The following OR9Q1 variants were observed in gnomAD, a reference collection of about 807,000 sequenced individuals.
OR9Q1 encodes the protein olfactory receptor 9Q1.
For missense variants in OR9Q1, 374 were observed against 378.8 expected (o/e 0.99, Z 0.11); for synonymous variants, 153 against 148.6 (o/e 1.03, Z -0.22).
intron 2 of OR9Q1, among the ~76,000 whole-genome samples, chr11:58,120,253 TTAAC>T (rs374986057): frequency 5.9e-5 from 9 of 152,282 alleles, no homozygotes; most frequent in African/African-American, 2.2e-4. Context: ...CTTGGGTAAG[TTAAC>T]TAACCCCTTT....
At chr11:58,036,334 G>A (rs2119927069) in intron 1 of OR9Q1, among the ~76,000 whole-genome samples, 1 of 152,296 alleles carries the variant, frequency 6.6e-6, no homozygotes, top group East Asian at 1.9e-4. Flanking sequence ...AAATATTACT[G>A]CTCATTGACA....
At chr11:58,115,751 G>A (rs1853948097) in intron 2 of OR9Q1, among the ~76,000 whole-genome samples, 1 of 152,136 alleles carries the variant, frequency 6.6e-6, no homozygotes, top group Admixed American at 6.6e-5. Context: ...ATTTTTAAAT[G>A]AAATATAATA....
At chr11:58,055,131 A>C (rs147491858) in intron 1 of OR9Q1, among the ~76,000 whole-genome samples, 20 of 152,252 alleles carry the variant, frequency 1.3e-4, no homozygotes, top group African/African-American at 4.8e-4. Flanking sequence ...GACTTTGTAG[A>C]TCTTGCTCTT....
intron 2 of OR9Q1, among the ~76,000 whole-genome samples, chr11:58,131,043 T>A (rs1854136195): frequency 6.6e-6 from 1 of 152,174 alleles, no homozygotes; most frequent in African/African-American, 2.4e-5. Flanking sequence ...ATATTTTGGA[T>A]GTGAGGAGCC....
chr11:58,128,175 T>A, intron 2 of OR9Q1, among the ~76,000 whole-genome samples: 1 of 132,306 alleles, frequency 7.6e-6, no homozygotes, highest in Non-Finnish European at 1.7e-5. Flanking sequence ...GTTAGAAAAA[T>A]AATATATTAA....
intron 2 of OR9Q1, chr11:58,077,672 A>G (rs1396497605): frequency 6.6e-6 from 1 of 152,242 alleles, no homozygotes; most frequent in African/African-American, 2.4e-5. Flanking sequence ...CTATAATCAT[A>G]AAAGCTGTCA....
chr11:58,046,847 G>C (rs1167834920), intron 1 of OR9Q1, among the ~76,000 whole-genome samples: 2 of 151,796 alleles, frequency 1.3e-5, no homozygotes, highest in East Asian at 1.9e-4. Context: ...TGGGCAACAA[G>C]AGGGAAACTC....
intron 2 of OR9Q1, among the ~76,000 whole-genome samples, chr11:58,160,279 A>G (rs1854445003): frequency 6.6e-6 from 1 of 152,226 alleles, no homozygotes; most frequent in Non-Finnish European, 1.5e-5. Context: ...GGATCTGAGA[A>G]CCCATGAGTG....
chr11:58,143,518 G>T (rs956981318), intron 2 of OR9Q1, among the ~76,000 whole-genome samples: 15 of 152,188 alleles, frequency 9.9e-5, no homozygotes, highest in African/African-American at 3.4e-4. Flanking sequence ...TTTACCAATT[G>T]TGAAATCTGG....
At chr11:58,091,197 G>A (rs1256205795) in intron 2 of OR9Q1, among the ~76,000 whole-genome samples, 1 of 152,108 alleles carries the variant, frequency 6.6e-6, no homozygotes. Flanking sequence ...TTTCGAATGT[G>A]TTTGCTCTTG....
At chr11:58,081,835 AAAT>A (rs932212858) in intron 2 of OR9Q1, among the ~76,000 whole-genome samples, 14 of 147,712 alleles carry the variant, frequency 9.5e-5, no homozygotes, top group South Asian at 4.3e-4. Flanking sequence ...TTATTGATCT[AAAT>A]AATATGCTAT....
Position 58,048,696 on chromosome 11 carries a change from T to TATATATATACATA in OR9Q1, c.-92-7174_-92-7173insATATATATACATA, listed in dbSNP as rs35079058. On this transcript the variant is annotated intron_variant, in intron 1 of 2. Coordinates refer to ENST00000335397, the MANE Select transcript of OR9Q1 (RefSeq NM_001005212.4). ...AAAAAAAAAATATATATATATATAT[T>TATATATATACATA]TTTTAGCAAGACTAATAAAAAAAGA... 4.7e-5 allele frequency among the ~76,000 whole-genome samples: 6 copies of TATATATATACATA among 127,704 alleles called. No individual in the cohort carries two copies. The East Asian group carries it at 1.6e-3, about 33-fold the overall frequency. 83.8% of individuals were successfully genotyped at this position (127,704 alleles called of 152,430 possible).
intron 2 of OR9Q1, among the ~76,000 whole-genome samples, chr11:58,058,324 G>A (rs773983364): frequency 2.0e-5 from 3 of 152,198 alleles, no homozygotes; most frequent in South Asian, 4.1e-4. Context: ...AGCCCTGTGC[G>A]ATGCCAAGCC....
intron 2 of OR9Q1, among the ~76,000 whole-genome samples, chr11:58,112,510 G>T (rs1299479064): frequency 6.6e-6 from 1 of 152,028 alleles, no homozygotes. Context: ...ATACCTTTTA[G>T]TCCAGCCCTG....
At chr11:58,153,274 GGA>G (rs369749653) in intron 2 of OR9Q1, among the ~76,000 whole-genome samples, 1 of 152,204 alleles carries the variant, frequency 6.6e-6, no homozygotes, top group African/African-American at 2.4e-5. Context: ...TTAGTGTTAA[GGA>G]GATGGATGCC....
chr11:58,167,534 A>C (rs915095671), intron 2 of OR9Q1, among the ~76,000 whole-genome samples: 1 of 152,188 alleles, frequency 6.6e-6, no homozygotes, highest in African/African-American at 2.4e-5. Flanking sequence ...TACTGGCTTA[A>C]AACAATAAGC....
At chr11:58,028,938 A>G (rs1853002503) in intron 1 of OR9Q1, among the ~76,000 whole-genome samples, 1 of 152,246 alleles carries the variant, frequency 6.6e-6, no homozygotes, top group Admixed American at 6.5e-5. Flanking sequence ...ACCTTGGCAA[A>G]CCTGGATTCA....
intron 2 of OR9Q1, among the ~76,000 whole-genome samples, chr11:58,114,657 G>T (rs1565079603): frequency 6.6e-6 from 1 of 152,186 alleles, no homozygotes; most frequent in African/African-American, 2.4e-5. Flanking sequence ...AATGAGCACT[G>T]TCACCTTCAT....
At chr11:58,077,154 G>T (rs1853545126) in intron 2 of OR9Q1, among the ~76,000 whole-genome samples, 1 of 152,146 alleles carries the variant, frequency 6.6e-6, no homozygotes, top group Non-Finnish European at 1.5e-5. Flanking sequence ...TTCCAGGAAG[G>T]TTCTGAGAGG....
Sources: allele counts gnomAD v4.1 joint callset (sites outside exome capture counted in the v4.1 genomes callset), GRCh38; gene constraint gnomAD v4.1.1; transcripts MANE v1.5; gene names NCBI Gene and HGNC (gene_info 2026-07-23, HGNC 2026-07-21).